The following ANKRD26 variants were observed in gnomAD, a reference collection of about 807,000 sequenced individuals.
ANKRD26 encodes the protein ankyrin repeat domain 26.
In ANKRD26, 141 loss-of-function variants were observed where a neutral mutation model predicts 208.7. The observed-to-expected ratio is 0.68, with a 90% CI of 0.59 to 0.78. ANKRD26 has a LOEUF of 0.78. Among genes scored for constraint, ANKRD26 ranks in the 30% least tolerant of loss-of-function variants. ANKRD26 has a pLI of 0.00. For missense variants in ANKRD26, 1,889 were observed against 1,938.7 expected (o/e 0.97, Z 0.48); for synonymous variants, 636 against 660.4 (o/e 0.96, Z 0.57).
chr10:26,972,752 G>A (rs921487454), downstream of ANKRD26, among the ~76,000 whole-genome samples: 4 of 151,814 alleles, frequency 2.6e-5, no homozygotes, highest in Admixed American at 1.3e-4. Flanking sequence ...CACCGTGCCC[G>A]GCTAATTTTT....
At chr10:27,090,797 G>A (rs929100841) in intron 4 of ANKRD26, among the ~76,000 whole-genome samples, 1 of 152,100 alleles carries the variant, frequency 6.6e-6, no homozygotes, top group African/African-American at 2.4e-5. Flanking sequence ...GCTTAAAACA[G>A]TATTAATAAT....
intron 15 of ANKRD26, among the ~76,000 whole-genome samples, chr10:27,055,868 C>G (rs2054821661): frequency 6.6e-6 from 1 of 152,126 alleles, no homozygotes; most frequent in African/African-American, 2.4e-5. Flanking sequence ...GTAGTTATAA[C>G]TAACACTTGT....
At chr10:26,965,750 T>C in the ANKRD26 span, among the ~76,000 whole-genome samples, 1 of 151,958 alleles carries the variant, frequency 6.6e-6, no homozygotes, top group East Asian at 1.9e-4. Flanking sequence ...AGGTCTAATA[T>C]CCAGAATTTA....
chr10:27,047,314 G>T (rs2054483119), intron 17 of ANKRD26, among the ~76,000 whole-genome samples: 2 of 152,184 alleles, frequency 1.3e-5, no homozygotes, highest in South Asian at 4.2e-4. Flanking sequence ...GATTAGTTAT[G>T]ATTTTGTTTG....
intron 18 of ANKRD26, 91 bp downstream of exon 18, chr10:27,046,262 T>C: frequency 7.9e-7 from 1 of 1,271,948 alleles, no homozygotes; most frequent in Non-Finnish European, 1.1e-6. Context: ...GTCGATATTC[T>C]CTAGCTTTGG....
chr10:27,023,802 T>C (rs2053569588), intron 28 of ANKRD26, among the ~76,000 whole-genome samples: 1 of 152,180 alleles, frequency 6.6e-6, no homozygotes, highest in Admixed American at 6.5e-5. Context: ...ATTCCATTTT[T>C]AAATCTGGAT....
At chr10:27,042,232 C>T (rs572250711) in intron 20 of ANKRD26, among the ~76,000 whole-genome samples, 1 of 152,284 alleles carries the variant, frequency 6.6e-6, no homozygotes, top group Admixed American at 6.5e-5. Flanking sequence ...GATGCTGGAA[C>T]AATATGTCCA....
chr10:27,065,737 A>AC (rs1036683162), intron 11 of ANKRD26, among the ~76,000 whole-genome samples: 3 of 149,942 alleles, frequency 2.0e-5, no homozygotes, highest in Non-Finnish European at 4.4e-5. Flanking sequence ...AAAAACAAAA[A>AC]AAAAAAACAA....
chr10:27,057,605 CT>C (rs2054882602), intron 15 of ANKRD26, among the ~76,000 whole-genome samples: 1 of 152,130 alleles, frequency 6.6e-6, no homozygotes. Context: ...TCAGAATTTA[CT>C]TTTTAAGCCT....
At chr10:26,970,592 G>A (rs1244313250), downstream of ANKRD26, among the ~76,000 whole-genome samples, 1 of 152,120 alleles carries the variant, frequency 6.6e-6, no homozygotes, top group Non-Finnish European at 1.5e-5. Flanking sequence ...GCAGAACCAT[G>A]AGCCGATTAA....
rs921087417 is a variant in ANKRD26 at position 27,091,392 on chromosome 10, G to A, written c.638+1014C>T. 4.6e-5 allele frequency among the ~76,000 whole-genome samples: 7 copies of A among 151,986 alleles called. No individual in the cohort carries two copies. In the East Asian group the frequency reaches 9.6e-4, roughly 21 times the overall value. On this transcript the variant is annotated intron_variant, in intron 4 of 33. Transcript: ENST00000376087. ...CATCTATGGCTTGTCTTCAATAAAG[G>A]AAAAGTTTATCCAATAAAAGCTGTC...
intron 25 of ANKRD26, among the ~76,000 whole-genome samples, chr10:27,031,819 A>G (rs528725752): frequency 1.3e-5 from 2 of 152,340 alleles, no homozygotes; most frequent in East Asian, 1.9e-4. Flanking sequence ...TTTTTATAAT[A>G]TATTTTAAAT....
downstream of ANKRD26, among the ~76,000 whole-genome samples, chr10:26,969,600 C>T (rs943185395): frequency 6.6e-6 from 1 of 152,198 alleles, no homozygotes; most frequent in African/African-American, 2.4e-5. Flanking sequence ...AGGATCCAGA[C>T]ATTCAGCTTC....
At chr10:27,044,869 A>G (rs1398360576) in intron 18 of ANKRD26, among the ~76,000 whole-genome samples, 1 of 148,034 alleles carries the variant, frequency 6.8e-6, no homozygotes, top group Non-Finnish European at 1.5e-5. Context: ...GCTCCAAAAC[A>G]TATTTTGCTG....
At chr10:27,001,009 A>AAAAC (rs535266067), downstream of ANKRD26, among the ~76,000 whole-genome samples, 27 of 152,156 alleles carry the variant, frequency 1.8e-4, no homozygotes, top group African/African-American at 4.1e-4. Context: ...CTCTGTCTCA[A>AAAAC]AAACAAACAA....
chr10:26,965,325 C>T, the ANKRD26 span, among the ~76,000 whole-genome samples: 4 of 152,194 alleles, frequency 2.6e-5, no homozygotes, highest in African/African-American at 7.2e-5. Flanking sequence ...AGAAATAATG[C>T]CATATATCTA....
rs1330343784 is a variant in ANKRD26, at chr10:27,005,002, GAA to G, written c.*586_*587del. 11 of 976,472 alleles carry G rather than the reference GAA, an allele frequency of 1.1e-5. No individual in the cohort carries two copies. Among genetic ancestry groups the G allele is most frequent in the Non-Finnish European group, 1.3e-5 (11 of 821,856 alleles). 60.5% of individuals were successfully genotyped at this position (976,472 alleles called of 1,614,324 possible). ...ATTTACTCTCAAATTGTTCGGAGGA[GAA>G]AGTCTTTGTACTAAAACTTCGAAAT... is the stretch of plus-strand genomic sequence containing the variant. On this transcript the variant is annotated 3_prime_UTR_variant, in exon 34 of 34. Coordinates refer to ENST00000376087, the MANE Select transcript of ANKRD26 (RefSeq NM_014915.3).
At chr10:27,034,722 A>C in intron 24 of ANKRD26, 74 bp downstream of exon 24, 1 of 919,336 alleles carries the variant, frequency 1.1e-6, no homozygotes, top group Non-Finnish European at 1.6e-6. Flanking sequence ...TTTTATAGTT[A>C]ACTACATAAC....
chr10:26,969,941 C>A (rs911042381), downstream of ANKRD26, among the ~76,000 whole-genome samples: 12 of 151,494 alleles, frequency 7.9e-5, no homozygotes, highest in South Asian at 1.7e-3. Flanking sequence ...TTCAAGCGAT[C>A]TTCCTGCCTC....
Sources: gnomAD v4.1 joint callset for allele counts (sites outside exome capture counted in the v4.1 genomes callset) on GRCh38, gnomAD v4.1.1 for gene constraint, MANE v1.5 for transcripts, NCBI Gene and HGNC (gene_info 2026-07-23, HGNC 2026-07-21) for gene names.